PRKG1: variants seen among roughly 807,000 people sequenced by gnomAD.
The protein encoded by PRKG1 is protein kinase cGMP-dependent 1.
In PRKG1, 35 loss-of-function variants were observed where a neutral mutation model predicts 88.1. That is an observed-to-expected ratio of 0.40 (90% CI 0.30 to 0.53). The LOEUF is 0.53. Among genes scored for constraint, PRKG1 ranks in the 20% least tolerant of loss-of-function variants. PRKG1 has a pLI of 0.59. For synonymous variants in PRKG1, 303 were observed against 292.5 expected (o/e 1.04, Z -0.37); for missense variants, 540 against 839.8 (o/e 0.64, Z 4.41).
chr10:51,218,014 C>T (rs1053210158), intron 2 of PRKG1, among the ~76,000 whole-genome samples: 7 of 152,036 alleles, frequency 4.6e-5, no homozygotes, highest in African/African-American at 1.7e-4. Flanking sequence ...ATTTCAAGGG[C>T]CATTTTAGCA....
intron 1 of PRKG1, among the ~76,000 whole-genome samples, chr10:51,148,488 T>C (rs1845992217): frequency 6.6e-6 from 1 of 152,122 alleles, no homozygotes; most frequent in Admixed American, 6.6e-5. Flanking sequence ...ATCAAAGAGA[T>C]CAGATGTTAA....
intron 12 of PRKG1, among the ~76,000 whole-genome samples, chr10:52,280,344 A>T (rs1180706734): frequency 6.6e-6 from 1 of 152,188 alleles, no homozygotes; most frequent in East Asian, 1.9e-4. Flanking sequence ...ATTTAGAAAG[A>T]TTAAAAAACA....
intron 3 of PRKG1, among the ~76,000 whole-genome samples, chr10:51,557,349 C>T (rs1459116095): frequency 1.3e-5 from 2 of 151,834 alleles, no homozygotes; most frequent in Non-Finnish European, 2.9e-5. Context: ...ACCACCACCC[C>T]CCCACCACCC....
chr10:51,604,415 A>T (rs1838700744), intron 3 of PRKG1, among the ~76,000 whole-genome samples: 1 of 152,186 alleles, frequency 6.6e-6, no homozygotes, highest in Non-Finnish European at 1.5e-5. Flanking sequence ...CATCCCATGT[A>T]TTACAATAAA....
intron 5 of PRKG1, among the ~76,000 whole-genome samples, chr10:52,016,507 T>C (rs1253438758): frequency 6.6e-6 from 1 of 152,214 alleles, no homozygotes; most frequent in Non-Finnish European, 1.5e-5. Flanking sequence ...AGAGCCAAAC[T>C]ATATCAATAA....
At chr10:51,628,614 G>A (rs974656099) in intron 3 of PRKG1, among the ~76,000 whole-genome samples, 1 of 152,154 alleles carries the variant, frequency 6.6e-6, no homozygotes, top group African/African-American at 2.4e-5. Context: ...AATAAATTAA[G>A]TAGACTATTC....
Position 51,711,452 on chromosome 10 carries a change from G to C in PRKG1, c.593-93133G>C, listed in dbSNP as rs564874741. Among the ~76,000 whole-genome samples, 9 of 152,102 alleles carry C rather than the reference G, an allele frequency of 5.9e-5. No homozygotes were observed. In the East Asian group the frequency reaches 1.5e-3, roughly 26 times the overall value. On this transcript the variant is annotated intron_variant, in intron 3 of 17. Coordinates refer to ENST00000373980, the MANE Select transcript of PRKG1 (RefSeq NM_006258.4). ...TCTCCTAATTTTTTCTCTTTCTCCT[G>C]TTTCTATAATTGTTGCCCACTATGT...
At chr10:51,757,364 A>G (rs553165346) in intron 3 of PRKG1, among the ~76,000 whole-genome samples, 142 of 152,240 alleles carry the variant, frequency 9.3e-4, no homozygotes, top group African/African-American at 3.3e-3. Context: ...TTGGCCTCCC[A>G]AAGTGCTGGG....
At chr10:51,548,169 G>C (rs1288948278) in intron 3 of PRKG1, among the ~76,000 whole-genome samples, 1 of 152,050 alleles carries the variant, frequency 6.6e-6, no homozygotes, top group Non-Finnish European at 1.5e-5. Flanking sequence ...CTCCCTGCAA[G>C]GTTAGGGCAG....
chr10:52,242,596 T>C (rs1442149852), intron 9 of PRKG1, among the ~76,000 whole-genome samples: 1 of 152,146 alleles, frequency 6.6e-6, no homozygotes. Flanking sequence ...ATGGACCTTT[T>C]TTAGAAAAAG....
intron 4 of PRKG1, among the ~76,000 whole-genome samples, chr10:51,900,764 A>G (rs1012268116): frequency 1.3e-5 from 2 of 152,080 alleles, no homozygotes; most frequent in Non-Finnish European, 2.9e-5. Flanking sequence ...GCCAAAACCC[A>G]TATTTTTTTT....
intron 9 of PRKG1, among the ~76,000 whole-genome samples, chr10:52,209,412 C>T (rs759391262): frequency 2.1e-4 from 32 of 152,110 alleles, no homozygotes; most frequent in Admixed American, 2.0e-4. Context: ...GCCACACACA[C>T]AAAATAAAAT....
intron 5 of PRKG1, among the ~76,000 whole-genome samples, chr10:51,934,412 G>A (rs1435985700): frequency 6.6e-6 from 1 of 152,128 alleles, no homozygotes; most frequent in Non-Finnish European, 1.5e-5. Context: ...TAACATTTTA[G>A]CTTCACACTT....
intron 3 of PRKG1, among the ~76,000 whole-genome samples, chr10:51,689,354 A>G (rs545641084): frequency 6.6e-6 from 1 of 152,296 alleles, no homozygotes; most frequent in South Asian, 2.1e-4. Context: ...CATTATCTAT[A>G]CCTATGTTTG....
intron 2 of PRKG1, among the ~76,000 whole-genome samples, chr10:51,407,693 A>C (rs537307680): frequency 1.3e-5 from 2 of 152,334 alleles, no homozygotes; most frequent in Non-Finnish European, 2.9e-5. Context: ...TCATTCCTGA[A>C]GGGTCTGGGT....
chr10:52,292,565 ATAGT>A (rs1842276301), intron 17 of PRKG1, among the ~76,000 whole-genome samples: 1 of 151,802 alleles, frequency 6.6e-6, no homozygotes, highest in Non-Finnish European at 1.5e-5. Flanking sequence ...CAAAGATCAG[ATAGT>A]TGTAGATATG....
At chr10:51,722,922 T>C (rs1842047528) in intron 3 of PRKG1, among the ~76,000 whole-genome samples, 1 of 152,208 alleles carries the variant, frequency 6.6e-6, no homozygotes, top group Admixed American at 6.5e-5. Flanking sequence ...TTCTGCCTAC[T>C]TGATCTCTCT....
At chr10:51,830,327 T>C (rs1839971794) in intron 4 of PRKG1, among the ~76,000 whole-genome samples, 2 of 152,154 alleles carry the variant, frequency 1.3e-5, no homozygotes, top group South Asian at 4.1e-4. Context: ...GGGCTACTTT[T>C]TGAGCCATCT....
chr10:51,481,739 A>AT lies in PRKG1; in HGVS notation c.592+13916dup, dbSNP rs11361028. ...CTCACTAGTAATTGTAAAAAGGCTCATTTTTTTTTTTTTCTGTTAGTGCTA... is the reference window on the plus strand; with the variant it reads ...CTCACTAGTAATTGTAAAAAGGCTCATTTTTTTTTTTTTTCTGTTAGTGCTA... On this transcript the variant is annotated intron_variant, in intron 3 of 17. Transcript: ENST00000373980. Among the ~76,000 whole-genome samples, 442 of 146,220 alleles carry AT rather than the reference A, an allele frequency of 3.0e-3. 1 individual carries two copies. Among genetic ancestry groups the AT allele is most frequent in the African/African-American group, 8.5e-3 (336 of 39,676 alleles).
Sources: gnomAD v4.1 joint callset for allele counts (sites outside exome capture counted in the v4.1 genomes callset) on GRCh38, gnomAD v4.1.1 for gene constraint, MANE v1.5 for transcripts, NCBI Gene and HGNC (gene_info 2026-07-23, HGNC 2026-07-21) for gene names.